DOCK1: variants seen among roughly 807,000 people sequenced by gnomAD.
DOCK1 encodes the protein dedicator of cytokinesis 1.
In DOCK1, 138 loss-of-function variants were observed where a neutral mutation model predicts 262.7. That is an observed-to-expected ratio of 0.53 (90% CI 0.46 to 0.61). The LOEUF (loss-of-function observed/expected upper bound fraction) is 0.61, where lower values mean the gene tolerates loss of function less well. Ranked by LOEUF, DOCK1 falls within the 20% of genes least tolerant of loss-of-function variation. The probability of loss-of-function intolerance (pLI) is 0.00; values close to 1 mark genes in which losing one functional copy is unlikely to be tolerated. For synonymous variants in DOCK1, 866 were observed against 867.4 expected (o/e 1.00, Z 0.03); for missense variants, 1,908 against 2,370.7 (o/e 0.80, Z 4.05).
chr10:127,301,901 G>A (rs536067285), intron 29 of DOCK1, among the ~76,000 whole-genome samples: 5 of 147,674 alleles, frequency 3.4e-5, no homozygotes, highest in East Asian at 4.0e-4. Context: ...AGCTGAGATC[G>A]CACCACTGCA....
intron 16 of DOCK1, among the ~76,000 whole-genome samples, chr10:127,030,979 C>T (rs1019996245): frequency 2.6e-5 from 4 of 152,186 alleles, no homozygotes; most frequent in African/African-American, 7.2e-5. Flanking sequence ...GAGGAGGTGA[C>T]ATTTTGGCAG....
At chr10:126,992,660 G>A (rs1375047717) in intron 6 of DOCK1, among the ~76,000 whole-genome samples, 1 of 151,836 alleles carries the variant, frequency 6.6e-6, no homozygotes, top group Admixed American at 6.6e-5. Flanking sequence ...AGAATGTGAT[G>A]AAGGTCTTGG....
At chr10:127,253,220 G>A (rs995959968) in intron 28 of DOCK1, among the ~76,000 whole-genome samples, 8 of 152,214 alleles carry the variant, frequency 5.3e-5, no homozygotes, top group African/African-American at 1.4e-4. Flanking sequence ...AATGTGCCCC[G>A]ATTCTCTGTA....
rs2060728932 is a variant in DOCK1 at position 127,276,016 on chromosome 10, A to G, written c.3044+18587A>G. 2.0e-5 allele frequency among the ~76,000 whole-genome samples: 3 copies of G among 152,216 alleles called. 1 individual carries two copies. The highest frequency in any genetic ancestry group is 4.1e-4 in the South Asian group (2 of 4,832). On this transcript the variant is annotated intron_variant, in intron 29 of 51. Transcript: ENST00000623213. Reference sequence around the variant, plus strand: ...ACGTAATGCCCTGGAGAGGCCTCACAAGTAGAAGAGTCTAAAACGATAGAT... The same window carrying G: ...ACGTAATGCCCTGGAGAGGCCTCACGAGTAGAAGAGTCTAAAACGATAGAT...
chr10:126,998,037 A>G (rs1345949155), intron 7 of DOCK1, 55 bp from the exon 8 acceptor site: 2 of 1,600,596 alleles, frequency 1.2e-6, no homozygotes, highest in East Asian at 2.2e-5. Flanking sequence ...TAAAGAAAGC[A>G]AGTGTCAGTG....
intron 47 of DOCK1, among the ~76,000 whole-genome samples, chr10:127,426,640 G>A (rs2068834884): frequency 6.6e-6 from 1 of 152,232 alleles, no homozygotes; most frequent in Non-Finnish European, 1.5e-5. Context: ...AGAGGCAGGA[G>A]TTTGAATGGC....
At chr10:126,948,684 A>T (rs1414536638) in intron 1 of DOCK1, among the ~76,000 whole-genome samples, 1 of 151,920 alleles carries the variant, frequency 6.6e-6, no homozygotes, top group African/African-American at 2.4e-5. Context: ...CTTCCCAGGA[A>T]TCCTCACCTC....
At chr10:127,392,930 G>A (rs1302972093) in intron 38 of DOCK1, among the ~76,000 whole-genome samples, 4 of 152,206 alleles carry the variant, frequency 2.6e-5, no homozygotes, top group Non-Finnish European at 4.4e-5. Context: ...GGATTTTCCT[G>A]TCTAGAATCT....
intron 32 of DOCK1, among the ~76,000 whole-genome samples, chr10:127,356,444 C>T (rs2064149130): frequency 2.6e-5 from 4 of 152,216 alleles, no homozygotes; most frequent in African/African-American, 7.2e-5. Context: ...TCAGTAATAA[C>T]GTGCTAAGGC....
At chr10:127,405,411 T>TG (rs2067460907) in intron 40 of DOCK1, among the ~76,000 whole-genome samples, 1 of 151,260 alleles carries the variant, frequency 6.6e-6, no homozygotes. Context: ...CATTGACCAG[T>TG]GGGTCATGAT....
At chr10:127,138,062 T>C (rs750647069) in intron 27 of DOCK1, 1 of 1,536,828 alleles carries the variant, frequency 6.5e-7, no homozygotes, top group East Asian at 2.3e-5. Flanking sequence ...TTTGATCTTT[T>C]CCATATGAAG....
intron 4 of DOCK1, among the ~76,000 whole-genome samples, 154 bp from the exon 5 acceptor site, chr10:126,987,367 T>C (rs1411504010): frequency 6.6e-6 from 1 of 152,186 alleles, no homozygotes; most frequent in Non-Finnish European, 1.5e-5. Flanking sequence ...TAGAGACGTA[T>C]GTATTTATAT....
chr10:127,113,778 A>T (rs1313829131), intron 25 of DOCK1, among the ~76,000 whole-genome samples: 1 of 152,132 alleles, frequency 6.6e-6, no homozygotes, highest in Non-Finnish European at 1.5e-5. Flanking sequence ...GGCCTGCGTC[A>T]CTGCGGCCAT....
At chr10:127,313,838 C>T (rs2062157319) in intron 29 of DOCK1, among the ~76,000 whole-genome samples, 1 of 152,182 alleles carries the variant, frequency 6.6e-6, no homozygotes, top group South Asian at 2.1e-4. Context: ...GAGGGGACTC[C>T]AAGAACTCTT....
intron 27 of DOCK1, among the ~76,000 whole-genome samples, chr10:127,165,471 GA>G (rs888967997): frequency 3.3e-5 from 5 of 152,152 alleles, no homozygotes; most frequent in Non-Finnish European, 7.4e-5. Context: ...CATACTGATA[GA>G]AAAAACTTTA....
intron 27 of DOCK1, among the ~76,000 whole-genome samples, chr10:127,168,709 A>G (rs1440364123): frequency 6.6e-6 from 1 of 152,144 alleles, no homozygotes; most frequent in Non-Finnish European, 1.5e-5. Flanking sequence ...GGATGGGATC[A>G]CCTCACTGTG....
In DOCK1 at chr10:126,971,036, G is replaced by A. The variant is rs550592512; in HGVS notation, c.130+251G>A. Among the ~76,000 whole-genome samples, 6 of 151,678 alleles carry A rather than the reference G, an allele frequency of 4.0e-5. No homozygotes were observed. In the East Asian group the frequency reaches 7.7e-4, roughly 20 times the overall value. ...AAACTCCTTGGCTCCTTATTTTCAAGCATGTGTAAATCTTTTTTTTTTTTT... is the reference window on the plus strand; with the variant it reads ...AAACTCCTTGGCTCCTTATTTTCAAACATGTGTAAATCTTTTTTTTTTTTT... On this transcript the variant is annotated intron_variant, in intron 2 of 51. Transcript: ENST00000623213.
chr10:127,283,495 TA>T (rs1447251539), intron 29 of DOCK1, among the ~76,000 whole-genome samples: 6 of 152,214 alleles, frequency 3.9e-5, no homozygotes, highest in Non-Finnish European at 8.8e-5. Flanking sequence ...ATAGAAGGAA[TA>T]AAGCCATCCT....
chr10:127,396,757 A>AAG (rs1399393136), intron 38 of DOCK1, among the ~76,000 whole-genome samples: 1 of 104,122 alleles, frequency 9.6e-6, no homozygotes, highest in East Asian at 1.9e-4. Context: ...TCTGTTACAA[A>AAG]AAAAAAAAAA....
Sources: allele counts gnomAD v4.1 joint callset (sites outside exome capture counted in the v4.1 genomes callset), GRCh38; gene constraint gnomAD v4.1.1; transcripts MANE v1.5; gene names NCBI Gene and HGNC (gene_info 2026-07-23, HGNC 2026-07-21).